Variants in SCYL2 observed in about 807,000 individuals in gnomAD.
SCYL2 encodes SCY1-like protein 2.
A neutral mutation model predicts 100.4 loss-of-function variants in SCYL2; 36 were observed. That is an observed-to-expected ratio of 0.36 (90% CI 0.27 to 0.47). The LOEUF is 0.47. Among genes scored for constraint, SCYL2 ranks in the 20% least tolerant of loss-of-function variants. The pLI is 1.00. For synonymous variants in SCYL2, 330 were observed against 359.2 expected (o/e 0.92, Z 0.92); for missense variants, 902 against 1,083.9 (o/e 0.83, Z 2.36).
At position 100,338,638 on chromosome 12, in the gene SCYL2, GGGCATT is replaced by G. The variant is rs1260287125; in HGVS notation, c.2259_2264del (p.Ile754_Gly755del). The stretch of plus-strand genomic sequence containing the variant: ...GTACTTTCACTTCTGTTCCTTCCAT[GGGCATT>G]GGTATGATGTTTTCTACACCAACTG... On this transcript the variant is annotated inframe_deletion, in exon 18 of 18. Transcript: ENST00000360820. 21 of 1,613,816 alleles carry G rather than the reference GGGCATT, an allele frequency of 1.3e-5. No individual in the cohort carries two copies. The highest frequency in any genetic ancestry group is 1.7e-5 in the Non-Finnish European group (20 of 1,179,932).
At chr12:100,323,189 C>A (rs1198053894) in intron 10 of SCYL2, among the ~76,000 whole-genome samples, 1 of 152,064 alleles carries the variant, frequency 6.6e-6, no homozygotes, top group Non-Finnish European at 1.5e-5. Context: ...TGAGAGATAG[C>A]AAAACTTATG....
At position 100,313,438 on chromosome 12, in the gene SCYL2, C is replaced by T; in HGVS notation, c.869C>T (p.Ser290Phe). The change falls in exon 7 of 18, where the codon TCT becomes TTT. Residue 290 changes from serine (S) to phenylalanine (F), a missense_variant. By Grantham distance (155) the Ser-to-Phe change is radical (BLOSUM62 -2). Transcript: ENST00000360820. The stretch of plus-strand genomic sequence containing the variant: ...TTTGAATAGTTGAGTCGTTTAGGAT[C>T]TAGTTCACTTACAAATATACCTGAG... ...RQLDQLSRLG[S>F]SSLTNIPEEV... 6.4e-7 allele frequency: 1 copy of T among 1,556,612 alleles called. No individual in the cohort carries two copies. Among genetic ancestry groups the T allele is most frequent in the South Asian group, 1.1e-5 (1 of 89,276 alleles).
At chr12:100,282,535 A>G (rs918916015) in intron 1 of SCYL2, among the ~76,000 whole-genome samples, 2 of 151,982 alleles carry the variant, frequency 1.3e-5, no homozygotes, top group Non-Finnish European at 2.9e-5. Context: ...CATGTTGGCC[A>G]GCTGGTCTCA....
rs1464686112 is a variant in SCYL2 at position 100,282,406 on chromosome 12, A to G, written c.-28-537A>G. On this transcript the variant is annotated intron_variant, in intron 1 of 17. Transcript: ENST00000360820. ...TGTGGCGCAATCCTGGCTCACTGCAACCTCCACCTCCTGGGTTCAAGTGAT... is the reference window on the plus strand; with the variant it reads ...TGTGGCGCAATCCTGGCTCACTGCAGCCTCCACCTCCTGGGTTCAAGTGAT... Among the ~76,000 whole-genome samples, 4 of 117,188 alleles carry G rather than the reference A, an allele frequency of 3.4e-5. 1 individual carries two copies. Among genetic ancestry groups the G allele is most frequent in the Admixed American group, 9.0e-5 (1 of 11,124 alleles). 76.9% of individuals were successfully genotyped at this position (117,188 alleles called of 152,430 possible).
chr12:100,331,271 G>A (rs1177420400), intron 13 of SCYL2, among the ~76,000 whole-genome samples: 1 of 152,112 alleles, frequency 6.6e-6, no homozygotes, highest in Non-Finnish European at 1.5e-5. Flanking sequence ...TGTCATTTCT[G>A]TTCTTAGTTC....
chr12:100,296,772 C>T (rs1262461058), intron 3 of SCYL2: 1 of 150,844 alleles, frequency 6.6e-6, no homozygotes, highest in East Asian at 1.9e-4. Flanking sequence ...TACAGTTCAA[C>T]AAAAGCATGC....
At chr12:100,304,926 C>G (rs982332862) in intron 4 of SCYL2, among the ~76,000 whole-genome samples, 2 of 151,896 alleles carry the variant, frequency 1.3e-5, no homozygotes, top group African/African-American at 4.8e-5. Context: ...CATAATGGTA[C>G]AGGGATCAAT....
intron 2 of SCYL2, among the ~76,000 whole-genome samples, chr12:100,289,268 A>G (rs985751766): frequency 6.6e-6 from 1 of 152,168 alleles, no homozygotes; most frequent in Non-Finnish European, 1.5e-5. Context: ...GAAGACATGC[A>G]TCGTGTTTTG....
At chr12:100,295,508 C>T (rs1285979989) in intron 3 of SCYL2, among the ~76,000 whole-genome samples, 2 of 152,036 alleles carry the variant, frequency 1.3e-5, no homozygotes, top group Non-Finnish European at 1.5e-5. Flanking sequence ...CCGGCCAGGC[C>T]AACACAGCGA....
At chr12:100,284,758 C>T (rs779208042) in intron 2 of SCYL2, among the ~76,000 whole-genome samples, 11 of 152,170 alleles carry the variant, frequency 7.2e-5, no homozygotes, top group African/African-American at 1.9e-4. Context: ...CCACCGCGCC[C>T]GGCCTAGTTT....
At chr12:100,319,506 T>G (rs891280673) in intron 10 of SCYL2, among the ~76,000 whole-genome samples, 1 of 152,232 alleles carries the variant, frequency 6.6e-6, no homozygotes, top group African/African-American at 2.4e-5. Flanking sequence ...ATAATTCAGA[T>G]TGACTTTTGT....
intron 1 of SCYL2, among the ~76,000 whole-genome samples, chr12:100,271,384 A>G (rs2096287537): frequency 6.6e-6 from 1 of 152,054 alleles, no homozygotes; most frequent in South Asian, 2.1e-4. Context: ...GATTTTGTGA[A>G]GTATTTAACC....
At chr12:100,299,036 C>A (rs998892498) in intron 4 of SCYL2, among the ~76,000 whole-genome samples, 1 of 152,022 alleles carries the variant, frequency 6.6e-6, no homozygotes. Flanking sequence ...TTGAGACAAC[C>A]CTGAGCTCAA....
At chr12:100,329,401 T>A in intron 13 of SCYL2, 82 bp downstream of exon 13, 1 of 665,826 alleles carries the variant, frequency 1.5e-6, no homozygotes, top group Non-Finnish European at 2.7e-6. Flanking sequence ...TTACAAAGAT[T>A]GGTTAAAAAA....
intron 3 of SCYL2, 35 bp from the exon 4 acceptor site, chr12:100,297,996 T>C (rs923051110): frequency 1.6e-5 from 24 of 1,511,924 alleles, no homozygotes; most frequent in Non-Finnish European, 2.2e-5. Flanking sequence ...TGTGTAATAA[T>C]ATGATAGTAA....
chr12:100,289,518 C>G (rs779121428), intron 2 of SCYL2, among the ~76,000 whole-genome samples: 2 of 152,128 alleles, frequency 1.3e-5, no homozygotes, highest in Non-Finnish European at 2.9e-5. Context: ...CATATAAATA[C>G]GCAAATGCTA....
chr12:100,328,148 T>C (rs1952160354), intron 12 of SCYL2, among the ~76,000 whole-genome samples: 1 of 152,062 alleles, frequency 6.6e-6, no homozygotes, highest in South Asian at 2.1e-4. Context: ...TGTGGTAGCA[T>C]GCGCCTGTAG....
intron 12 of SCYL2, among the ~76,000 whole-genome samples, chr12:100,328,587 T>G (rs1352272239): frequency 6.6e-6 from 1 of 152,144 alleles, no homozygotes; most frequent in Non-Finnish European, 1.5e-5. Context: ...ACAAAACACT[T>G]AGAACTCAAA....
At chr12:100,290,481 A>G (rs1016136909) in intron 2 of SCYL2, among the ~76,000 whole-genome samples, 1 of 152,198 alleles carries the variant, frequency 6.6e-6, no homozygotes, top group African/African-American at 2.4e-5. Context: ...GACTTTTTGC[A>G]GTGAATCTCT....
Sources: gnomAD v4.1 joint callset for allele counts (sites outside exome capture counted in the v4.1 genomes callset) on GRCh38, gnomAD v4.1.1 for gene constraint, MANE v1.5 for transcripts, NCBI Gene and HGNC (gene_info 2026-07-23, HGNC 2026-07-21) for gene names.